ELAVL2: variants seen among roughly 807,000 people sequenced by gnomAD.
ELAVL2 encodes ELAV-like protein 2.
Under a neutral mutation model 34.6 loss-of-function variants are expected in ELAVL2, and 4 were observed. The ratio of observed to expected loss-of-function variants is 0.12; its 90% CI spans 0.06 to 0.26. The LOEUF (loss-of-function observed/expected upper bound fraction) is 0.26, where lower values mean the gene tolerates loss of function less well. ELAVL2 is among the 10% of genes least tolerant of loss of function. The pLI is 1.00. For synonymous variants in ELAVL2, 193 were observed against 154.8 expected (o/e 1.25, Z -1.83); for missense variants, 432 against 442.8 (o/e 0.98, Z 0.22).
intron 3 of ELAVL2, among the ~76,000 whole-genome samples, chr9:23,719,459 T>C (rs1028120597): frequency 2.6e-5 from 4 of 152,188 alleles, no homozygotes; most frequent in African/African-American, 7.2e-5. Context: ...CCTCAGACAT[T>C]GCTTAATGAA....
chr9:23,745,127 T>G (rs1176183383), intron 2 of ELAVL2, among the ~76,000 whole-genome samples: 5 of 151,996 alleles, frequency 3.3e-5, no homozygotes, highest in African/African-American at 1.2e-4. Context: ...TCACTTGAGC[T>G]TGGGAGCTTG....
At chr9:23,732,195 G>A (rs759213461) in intron 2 of ELAVL2, among the ~76,000 whole-genome samples, 4 of 152,182 alleles carry the variant, frequency 2.6e-5, no homozygotes, top group Non-Finnish European at 4.4e-5. Context: ...ATAGGGAAGT[G>A]AGGTATTTTT....
At chr9:23,838,516 C>T in the ELAVL2 span, among the ~76,000 whole-genome samples, 1 of 152,062 alleles carries the variant, frequency 6.6e-6, no homozygotes, top group African/African-American at 2.4e-5. Flanking sequence ...ATAGATATGA[C>T]AAAAATCTCA....
upstream of ELAVL2, among the ~76,000 whole-genome samples, chr9:23,828,523 A>C (rs1000314037): frequency 1.3e-5 from 2 of 152,200 alleles, no homozygotes; most frequent in Non-Finnish European, 2.9e-5. Context: ...TGGAGTAATA[A>C]AAATCTAGCA....
rs2032872468 is a variant in ELAVL2 at position 23,690,638 on chromosome 9, A to G, written c.*1919T>C. On this transcript the variant is annotated 3_prime_UTR_variant, in exon 7 of 7. Transcript: ENST00000397312. ...TGAAAAATTTTATAACTACAATTTT[A>G]AATAATAAAAAATAAAACTCAAAGC... The G allele has an allele frequency of 6.6e-6, 1 of 152,536 alleles. No homozygotes were observed. The highest frequency in any genetic ancestry group is 1.5e-5 in the Non-Finnish European group (1 of 68,006). The allele number at this position is 152,536 out of a possible 1,614,324, so 9.4% of individuals were successfully genotyped here. A position where few individuals can be genotyped will look rare whatever the true frequency, so the allele number is the denominator to read the frequency against.
chr9:23,725,096 G>T (rs146560091), intron 3 of ELAVL2, among the ~76,000 whole-genome samples: 1 of 151,976 alleles, frequency 6.6e-6, no homozygotes, highest in Non-Finnish European at 1.5e-5. Context: ...AAAACACTAG[G>T]GTGGGTTGAA....
intron 1 of ELAVL2, among the ~76,000 whole-genome samples, chr9:23,780,526 G>A (rs987046192): frequency 6.6e-6 from 1 of 152,040 alleles, no homozygotes; most frequent in African/African-American, 2.4e-5. Context: ...AATTTCCTGT[G>A]ACCTTCGTAA....
intron 1 of ELAVL2, among the ~76,000 whole-genome samples, chr9:23,767,642 C>T (rs890712652): frequency 2.6e-5 from 4 of 152,076 alleles, no homozygotes; most frequent in South Asian, 2.1e-4. Context: ...ATTAGCTGGG[C>T]GTGGTCTGTA....
At chr9:23,770,502 C>G (rs765668863) in intron 1 of ELAVL2, among the ~76,000 whole-genome samples, 1 of 152,138 alleles carries the variant, frequency 6.6e-6, no homozygotes, top group Admixed American at 6.5e-5. Context: ...TCCTTGGTTA[C>G]TGAGGTGGGC....
At chr9:23,808,170 G>C (rs1246780981) in intron 1 of ELAVL2, among the ~76,000 whole-genome samples, 1 of 151,990 alleles carries the variant, frequency 6.6e-6, no homozygotes, top group Non-Finnish European at 1.5e-5. Flanking sequence ...GTAAAAATAA[G>C]GTAGCTAGGA....
At chr9:23,783,527 G>A (rs924286826) in intron 1 of ELAVL2, 3 of 985,090 alleles carry the variant, frequency 3.0e-6, no homozygotes, top group Admixed American at 1.2e-4. Context: ...TGGAGATGGA[G>A]CTTTCAAATA....
chr9:23,837,872 A>G, the ELAVL2 span, among the ~76,000 whole-genome samples: 4 of 152,246 alleles, frequency 2.6e-5, no homozygotes, highest in African/African-American at 4.8e-5. Flanking sequence ...GAGAGAGAAA[A>G]TTTATAGTTG....
intron 3 of ELAVL2, among the ~76,000 whole-genome samples, chr9:23,707,956 T>TA (rs766295319): frequency 3.9e-5 from 6 of 152,316 alleles, no homozygotes; most frequent in Admixed American, 3.9e-4. Context: ...TGGTGTGTCT[T>TA]AAAAGTCATC....
At chr9:23,844,673 T>A in the ELAVL2 span, among the ~76,000 whole-genome samples, 2 of 151,970 alleles carry the variant, frequency 1.3e-5, no homozygotes, top group Non-Finnish European at 2.9e-5. Flanking sequence ...TTAATGGTAA[T>A]GACCTCAGGT....
At chr9:23,765,995 TATGCAG>T (rs1389305629) in intron 1 of ELAVL2, among the ~76,000 whole-genome samples, 1 of 152,172 alleles carries the variant, frequency 6.6e-6, no homozygotes, top group African/African-American at 2.4e-5. Context: ...TTTTGCCATA[TATGCAG>T]ATGCTTCAAA....
intron 1 of ELAVL2, among the ~76,000 whole-genome samples, chr9:23,775,640 C>T (rs566299617): frequency 1.3e-5 from 2 of 152,168 alleles, no homozygotes; most frequent in Non-Finnish European, 2.9e-5. Flanking sequence ...GCTCACTCCA[C>T]GTTGCCTATG....
chr9:23,849,422 AG>A, the ELAVL2 span: 1 of 152,204 alleles, frequency 6.6e-6, no homozygotes, highest in Admixed American at 6.5e-5. Context: ...TTGCTACCTG[AG>A]GAAGTGTGAG....
At chr9:23,713,985 C>A (rs2041684140) in intron 3 of ELAVL2, among the ~76,000 whole-genome samples, 1 of 152,136 alleles carries the variant, frequency 6.6e-6, no homozygotes. Flanking sequence ...ACAGTACTTA[C>A]CTCATGGAAA....
chr9:23,741,516 T>G (rs2049174466), intron 2 of ELAVL2, among the ~76,000 whole-genome samples: 1 of 151,784 alleles, frequency 6.6e-6, no homozygotes, highest in South Asian at 2.1e-4. Flanking sequence ...TCTCAACTCT[T>G]TATTCCTTCC....
Sources: gnomAD v4.1 joint callset for allele counts (sites outside exome capture counted in the v4.1 genomes callset) on GRCh38, gnomAD v4.1.1 for gene constraint, MANE v1.5 for transcripts, NCBI Gene and HGNC (gene_info 2026-07-23, HGNC 2026-07-21) for gene names.